RALYL: variants seen among roughly 807,000 people sequenced by gnomAD.
RALYL encodes the protein RALY RNA binding protein like.
In RALYL, 29 loss-of-function variants were observed where a neutral mutation model predicts 35.1. That is an observed-to-expected ratio of 0.83 (90% CI 0.61 to 1.13). The LOEUF (loss-of-function observed/expected upper bound fraction) is 1.13, where lower values mean the gene tolerates loss of function less well. RALYL is among the 50% of genes most tolerant of loss of function. The probability of loss-of-function intolerance (pLI) is 0.00; values close to 1 mark genes in which losing one functional copy is unlikely to be tolerated. For synonymous variants in RALYL, 120 were observed against 127.6 expected (o/e 0.94, Z 0.40); for missense variants, 359 against 360.4 (o/e 1.00, Z 0.03).
Position 84,427,944 on chromosome 8 carries a change from A to G in RALYL, c.-23-101355A>G, listed in dbSNP as rs574248176. Among the ~76,000 whole-genome samples the G allele has an allele frequency of 2.6e-5, 4 of 152,266 alleles. No individual in the cohort carries two copies. The East Asian group carries it at 5.8e-4, about 22-fold the overall frequency. ...CCTGGATAGAGGAGGCATTCAATTC[A>G]TTATTGCTAAGGCAATGAATCTATC... On this transcript the variant is annotated intron_variant, in intron 1 of 8. Transcript: ENST00000521268.
intron 2 of RALYL, among the ~76,000 whole-genome samples, chr8:84,582,678 A>T (rs1811100507): frequency 6.6e-6 from 1 of 152,066 alleles, no homozygotes; most frequent in African/African-American, 2.4e-5. Flanking sequence ...AGCTGTTAGA[A>T]AGCATCACTG....
At chr8:84,407,135 G>C (rs1216581212) in intron 1 of RALYL, among the ~76,000 whole-genome samples, 2 of 151,486 alleles carry the variant, frequency 1.3e-5, no homozygotes, top group Non-Finnish European at 2.9e-5. Context: ...GTCTCCATCT[G>C]TCATTTCCAT....
At chr8:84,423,067 G>C (rs1373322032) in intron 1 of RALYL, among the ~76,000 whole-genome samples, 1 of 150,116 alleles carries the variant, frequency 6.7e-6, no homozygotes, top group Non-Finnish European at 1.5e-5. Context: ...TATTAGGTCT[G>C]CTTGGTGCAG....
At chr8:84,670,684 G>A (rs908084383) in intron 2 of RALYL, among the ~76,000 whole-genome samples, 19 of 152,114 alleles carry the variant, frequency 1.2e-4, no homozygotes, top group African/African-American at 4.1e-4. Context: ...CAGATCTTGT[G>A]AGCGTTAATC....
intron 8 of RALYL, among the ~76,000 whole-genome samples, chr8:84,909,186 A>C (rs1222881420): frequency 6.6e-6 from 1 of 152,136 alleles, no homozygotes; most frequent in Non-Finnish European, 1.5e-5. Context: ...AAAGCTTATG[A>C]CACACACAAT....
chr8:84,875,151 T>A (rs1410084117), intron 7 of RALYL, among the ~76,000 whole-genome samples: 1 of 152,158 alleles, frequency 6.6e-6, no homozygotes, highest in Non-Finnish European at 1.5e-5. Context: ...ACTGAAATGT[T>A]ACTGTAACTG....
At chr8:84,340,515 G>T (rs1848613099) in intron 1 of RALYL, among the ~76,000 whole-genome samples, 1 of 151,976 alleles carries the variant, frequency 6.6e-6, no homozygotes, top group South Asian at 2.1e-4. Flanking sequence ...GATACTTCAT[G>T]TAAGTGGAAC....
At chr8:84,783,497 A>C (rs905304727) in intron 3 of RALYL, among the ~76,000 whole-genome samples, 3 of 152,220 alleles carry the variant, frequency 2.0e-5, no homozygotes, top group African/African-American at 7.2e-5. Flanking sequence ...CATTTGTCAT[A>C]GATCCTTCAT....
intron 2 of RALYL, among the ~76,000 whole-genome samples, chr8:84,588,300 T>A (rs926846126): frequency 6.6e-6 from 1 of 152,192 alleles, no homozygotes; most frequent in Non-Finnish European, 1.5e-5. Context: ...CCTTTCTTTA[T>A]GCCATGATAA....
intron 1 of RALYL, among the ~76,000 whole-genome samples, chr8:84,244,301 T>C (rs1828624608): frequency 6.6e-6 from 1 of 152,178 alleles, no homozygotes; most frequent in Non-Finnish European, 1.5e-5. Flanking sequence ...ACATTTTAAT[T>C]AAGGACAAAA....
intron 1 of RALYL, among the ~76,000 whole-genome samples, chr8:84,379,699 G>A (rs1309077113): frequency 6.6e-6 from 1 of 151,416 alleles, no homozygotes; most frequent in Non-Finnish European, 1.5e-5. Flanking sequence ...TAAAAGAAGA[G>A]ATAAAATGTA....
chr8:84,840,501 T>C lies in RALYL; in HGVS notation c.366-9479T>C, dbSNP rs184248394. On this transcript the variant is annotated intron_variant, in intron 4 of 8. Transcript: ENST00000521268. ...CAAATCTACGCCTGACTGGTGTACC[T>C]GAAAGTGACTGGGAGAATGGAACCA... Among the ~76,000 whole-genome samples the C allele has an allele frequency of 3.5e-3, 530 of 152,312 alleles. 6 individuals carry two copies. Among genetic ancestry groups the C allele is most frequent in the African/African-American group, 0.012 (512 of 41,564 alleles).
intron 8 of RALYL, 30 bp from the exon 9 acceptor site, chr8:84,920,864 G>A (rs747047292): frequency 3.5e-6 from 4 of 1,152,412 alleles, no homozygotes; most frequent in Non-Finnish European, 3.6e-6. Context: ...ACAAATCTCT[G>A]TATTTTAAAA....
chr8:84,425,949 G>GTA (rs1168278740), intron 1 of RALYL, among the ~76,000 whole-genome samples: 3 of 151,884 alleles, frequency 2.0e-5, no homozygotes, highest in South Asian at 2.1e-4. Context: ...GAAATAAAGA[G>GTA]TATATATATT....
chr8:84,550,992 G>A (rs1251903749), intron 2 of RALYL, among the ~76,000 whole-genome samples: 1 of 151,842 alleles, frequency 6.6e-6, no homozygotes, highest in Non-Finnish European at 1.5e-5. Context: ...AGAAAATAAA[G>A]CATAAACAAG....
intron 2 of RALYL, among the ~76,000 whole-genome samples, chr8:84,661,593 GTT>G (rs555604416): frequency 4.4e-4 from 63 of 142,564 alleles, no homozygotes; most frequent in African/African-American, 1.5e-3. Context: ...TTTTGACATA[GTT>G]TTTTTTTTTC....
intron 4 of RALYL, among the ~76,000 whole-genome samples, chr8:84,829,768 G>C (rs12545258): frequency 0.4 from 60,406 of 151,910 alleles, 12,484 homozygotes; most frequent in East Asian, 0.63. Flanking sequence ...TGCTCCTAGC[G>C]GAAATAGAGG....
At chr8:84,427,746 C>G (rs1375167683) in intron 1 of RALYL, among the ~76,000 whole-genome samples, 1 of 152,158 alleles carries the variant, frequency 6.6e-6, no homozygotes, top group Non-Finnish European at 1.5e-5. Flanking sequence ...GTAACCTAGC[C>G]AGGTTAGACA....
In RALYL at chr8:84,906,278, A is replaced by C. The variant is rs1235575906; in HGVS notation, c.859-14616A>C. The stretch of plus-strand genomic sequence containing the variant: ...CAGTGTTTCACAGGCACAGGACTTT[A>C]ATGATTTTTTTCTAGCTATTTTTTA... On this transcript the variant is annotated intron_variant, in intron 8 of 8. Coordinates refer to ENST00000521268, the MANE Select transcript of RALYL (RefSeq NM_173848.7). 5.2e-5 allele frequency among the ~76,000 whole-genome samples: 7 copies of C among 135,590 alleles called. No individual in the cohort carries two copies. The South Asian group carries it at 1.7e-3, about 33-fold the overall frequency. 89.0% of individuals were successfully genotyped at this position (135,590 alleles called of 152,430 possible). A position where few individuals can be genotyped will look rare whatever the true frequency, so the allele number is the denominator to read the frequency against.
Sources: allele counts gnomAD v4.1 joint callset (sites outside exome capture counted in the v4.1 genomes callset), GRCh38; gene constraint gnomAD v4.1.1; transcripts MANE v1.5; gene names NCBI Gene and HGNC (gene_info 2026-07-23, HGNC 2026-07-21).